Variants in RPLP2 observed in about 807,000 individuals in gnomAD.
The protein encoded by RPLP2 is large ribosomal subunit protein P2.
Under a neutral mutation model 11.5 loss-of-function variants are expected in RPLP2, and 1 was observed. That is an observed-to-expected ratio of 0.09 (90% CI 0.03 to 0.41). The LOEUF (loss-of-function observed/expected upper bound fraction) is 0.41, where lower values mean the gene tolerates loss of function less well. Ranked by LOEUF, RPLP2 falls within the 10% of genes least tolerant of loss-of-function variation. RPLP2 has a pLI of 0.98. For synonymous variants in RPLP2, 82 were observed against 55.9 expected, an observed-to-expected ratio of 1.47 and a Z score of -2.08; for missense variants, 177 against 145.6, an observed-to-expected ratio of 1.22 and a Z score of -1.11.
At chr11:811,683 G>C in intron 3 of RPLP2, 38 bp downstream of exon 3, 1 of 1,613,826 alleles carries the variant, frequency 6.2e-7, no homozygotes, top group Non-Finnish European at 8.5e-7. Flanking sequence ...TGTTTTCATG[G>C]TCCATCCTAA....
In RPLP2 at chr11:810,268, C is replaced by T. The variant is rs780328939; in HGVS notation, c.34C>T (p.Leu12=). 9 of 1,605,884 alleles carry T rather than the reference C, an allele frequency of 5.6e-6. No homozygotes were observed. Among genetic ancestry groups the T allele is most frequent in the East Asian group, 2.3e-5 (1 of 44,144 alleles). Residue 12 remains leucine, a synonymous_variant, in exon 2 of 5, where the codon CTA becomes TTA. Transcript: ENST00000321153. ...CGTCGCCTCCTACCTGCTGGCTGCCCTAGGGGGCAACTCCTCCCCCAGCGC... is the reference window on the plus strand; with the variant it reads ...CGTCGCCTCCTACCTGCTGGCTGCCTTAGGGGGCAACTCCTCCCCCAGCGC... ...RYVASYLLAA[L]GGNSSPSAKD...
Position 812,803 on chromosome 11 carries a change from A to C in RPLP2, c.315A>C (p.Ser105=). 1 of 1,613,748 alleles carries C rather than the reference A, an allele frequency of 6.2e-7. No homozygotes were observed. Among genetic ancestry groups the C allele is most frequent in the East Asian group, 2.2e-5 (1 of 44,892 alleles). ...KDEKKEESEE[S]DDDMGFGLFD is the part of the protein sequence containing the mutation. ...AGAAGAAGGAGGAGTCTGAAGAGTC[A>C]GATGATGACATGGGATTTGGCCTTT... The change falls in exon 5 of 5, where the codon TCA becomes TCC. Residue 105 remains serine (S), a synonymous_variant. Transcript: ENST00000321153.
At chr11:810,092 G>A (rs1865975783) in intron 1 of RPLP2, 53 bp downstream of exon 1, 1 of 1,031,574 alleles carries the variant, frequency 9.7e-7, no homozygotes, top group Non-Finnish European at 1.3e-6. Flanking sequence ...GAGTCCGTGG[G>A]GATGCGGGGT....
rs780328939 is a variant in RPLP2, at chr11:810,268, C to G, written c.34C>G (p.Leu12Val). ...RYVASYLLAA[L>V]GGNSSPSAKD... Reference sequence around the variant, plus strand: ...CGTCGCCTCCTACCTGCTGGCTGCCCTAGGGGGCAACTCCTCCCCCAGCGC... The same window carrying G: ...CGTCGCCTCCTACCTGCTGGCTGCCGTAGGGGGCAACTCCTCCCCCAGCGC... The change falls in exon 2 of 5, where the codon CTA becomes GTA. Residue 12 changes from leucine (L) to valine (V), a missense_variant. Transcript: ENST00000321153. The G allele has an allele frequency of 6.9e-6, 11 of 1,605,768 alleles. No homozygotes were observed. Among genetic ancestry groups the G allele is most frequent in the Non-Finnish European group, 9.3e-6 (11 of 1,177,510 alleles).
Position 812,782 on chromosome 11 carries a change from G to A in RPLP2, c.294G>A (p.Lys98=). The A allele has an allele frequency of 1.2e-6, 2 of 1,613,904 alleles. No homozygotes were observed. The highest frequency in any genetic ancestry group is 1.7e-6 in the Non-Finnish European group (2 of 1,179,974). ...CAGCAGAGGAGAAGAAAGATGAGAA[G>A]AAGGAGGAGTCTGAAGAGTCAGATG... ...PAAAEEKKDE[K]KEESEESDDD... The change falls in exon 5 of 5, where the codon AAG becomes AAA. Residue 98 remains lysine (K), a synonymous_variant. Coordinates refer to ENST00000321153, the MANE Select transcript of RPLP2 (RefSeq NM_001004.4).
chr11:810,437 A>G (rs1865995678), intron 2 of RPLP2, 80 bp downstream of exon 2: 6 of 1,372,026 alleles, frequency 4.4e-6, no homozygotes, highest in Non-Finnish European at 4.0e-6. Flanking sequence ...ATCCGGCCAC[A>G]TGCTGGAGGG....
chr11:811,335 TGAA>T, intron 2 of RPLP2: 1 of 539,332 alleles, frequency 1.9e-6, no homozygotes, highest in South Asian at 2.1e-5. Flanking sequence ...TTGCCAGTGT[TGAA>T]GATACCTATG....
intron 3 of RPLP2, chr11:812,330 C>G (rs1375875167): frequency 7.7e-6 from 5 of 646,088 alleles, no homozygotes; most frequent in Non-Finnish European, 1.3e-5. Flanking sequence ...GAAGGCAAGT[C>G]CCTGGATAGG....
intron 3 of RPLP2, 75 bp downstream of exon 3, chr11:811,720 C>G: frequency 1.3e-6 from 2 of 1,597,362 alleles, no homozygotes. Flanking sequence ...TGTGGCCTGC[C>G]AGGTTTCGCT....
chr11:811,474 G>C (rs900070094), intron 2 of RPLP2, 123 bp from the exon 3 acceptor site: 1 of 1,165,970 alleles, frequency 8.6e-7, no homozygotes, highest in Admixed American at 1.9e-5. Context: ...GGGCAGTGCA[G>C]TTCTGGAAAC....
At chr11:811,739 A>G (rs1866070606) in intron 3 of RPLP2, 94 bp downstream of exon 3, 1 of 1,498,466 alleles carries the variant, frequency 6.7e-7, no homozygotes, top group Non-Finnish European at 9.3e-7. Flanking sequence ...CTTGTGGACC[A>G]GAGCACCCTA....
In RPLP2 at chr11:810,239, G is replaced by A. The variant is rs772424395; in HGVS notation, c.5G>A (p.Arg2His). Residue 2 changes from arginine to histidine, a missense_variant, in exon 2 of 5, where the codon CGC becomes CAC. By Grantham distance (29) the Arg-to-His change is conservative. Coordinates refer to ENST00000321153, the MANE Select transcript of RPLP2 (RefSeq NM_001004.4). M[R>H]YVASYLLAAL... ...GTCCTCTCCGCCCGCCTCAGGATGCGCTACGTCGCCTCCTACCTGCTGGCT... is the reference window on the plus strand; with the variant it reads ...GTCCTCTCCGCCCGCCTCAGGATGCACTACGTCGCCTCCTACCTGCTGGCT... 1.3e-6 allele frequency: 2 copies of A among 1,574,988 alleles called. No homozygotes were observed. Among genetic ancestry groups the A allele is most frequent in the Non-Finnish European group, 1.7e-6 (2 of 1,162,780 alleles).
At chr11:811,007 C>CA (rs56150719) in intron 2 of RPLP2, among the ~76,000 whole-genome samples, 1,928 of 90,296 alleles carry the variant, frequency 0.021, 23 homozygotes, top group South Asian at 0.045. Flanking sequence ...CCGGTCTCCA[C>CA]AAAAAAAAAA....
chr11:810,885 A>T lies in RPLP2; in HGVS notation c.123+528A>T, dbSNP rs1481133012. ...CCAGTGAGCTGCGTAAGATTGCGTT[A>T]AAAAAAAAAAAAAGCAGTCCTGGCG... On this transcript the variant is annotated intron_variant, in intron 2 of 4. Transcript: ENST00000321153. Among the ~76,000 whole-genome samples, 276 of 51,400 alleles carry T rather than the reference A, an allele frequency of 5.4e-3. 1 individual carries two copies. The highest frequency in any genetic ancestry group is 0.012 in the Middle Eastern group (1 of 82). 33.7% of individuals were successfully genotyped at this position (51,400 alleles called of 152,430 possible). A position where few individuals can be genotyped will look rare whatever the true frequency, so the allele number is the denominator to read the frequency against.
rs747561206 is a variant in RPLP2, at chr11:811,794, C to T, written c.172+149C>T. The T allele has an allele frequency of 5.2e-6, 5 of 954,640 alleles. No homozygotes were observed. The Admixed American group carries it at 6.8e-5, about 13-fold the overall frequency. The allele number at this position is 954,640 out of a possible 1,614,324, so 59.1% of individuals were successfully genotyped here. On this transcript the variant is annotated intron_variant, in intron 3 of 4. Coordinates refer to ENST00000321153, the MANE Select transcript of RPLP2 (RefSeq NM_001004.4). ...GAGCAGGGCTCCAGTGGGCTCACGT[C>T]ATGGGCACTTCTAGACACTCTCAGG...
At position 810,302 on chromosome 11, in the gene RPLP2, T is replaced by C. The variant is rs986936477; in HGVS notation, c.68T>C (p.Ile23Thr). The C allele has an allele frequency of 6.2e-7, 1 of 1,609,260 alleles. No homozygotes were observed. Among genetic ancestry groups the C allele is most frequent in the African/African-American group, 1.3e-5 (1 of 74,418 alleles). Residue 23 changes from isoleucine (I) to threonine (T), a missense_variant, in exon 2 of 5, where the codon ATC becomes ACC. Ile to Thr is a moderately conservative substitution (Grantham distance 89). Transcript: ENST00000321153. The part of the protein sequence containing the change: ...GGNSSPSAKD[I>T]KKILDSVGIE... ...AACTCCTCCCCCAGCGCCAAGGACA[T>C]CAAGAAGATCTTGGACAGCGTGGGT...
intron 2 of RPLP2, 132 bp from the exon 3 acceptor site, chr11:811,465 G>A (rs1866058029): frequency 6.0e-6 from 6 of 1,002,852 alleles, no homozygotes; most frequent in Non-Finnish European, 9.2e-6. Context: ...GCTCCCTTTG[G>A]GCAGTGCAGT....
At chr11:811,782 G>C in intron 3 of RPLP2, 137 bp downstream of exon 3, 1 of 1,048,634 alleles carries the variant, frequency 9.5e-7, no homozygotes, top group Admixed American at 1.7e-5. Flanking sequence ...CAGGGCTCCA[G>C]TGGGCTCACG....
At chr11:811,745 C>A in intron 3 of RPLP2, 100 bp downstream of exon 3, 1 of 1,450,782 alleles carries the variant, frequency 6.9e-7, no homozygotes. Flanking sequence ...GACCAGAGCA[C>A]CCTAGAAGCC....
Sources: gnomAD v4.1 joint callset for allele counts (sites outside exome capture counted in the v4.1 genomes callset) on GRCh38, gnomAD v4.1.1 for gene constraint, MANE v1.5 for transcripts, NCBI Gene and HGNC (gene_info 2026-07-23, HGNC 2026-07-21) for gene names.